The following ZNF385D variants were observed in gnomAD, a reference collection of about 807,000 sequenced individuals.
ZNF385D encodes the protein zinc finger protein 385D.
In ZNF385D, 15 loss-of-function variants were observed where a neutral mutation model predicts 35.8. The ratio of observed to expected loss-of-function variants is 0.42; its 90% CI spans 0.28 to 0.64. ZNF385D has a LOEUF of 0.64. Among genes scored for constraint, ZNF385D ranks in the 30% least tolerant of loss-of-function variants. ZNF385D has a pLI of 0.23. For synonymous variants in ZNF385D, 212 were observed against 186.8 expected, an observed-to-expected ratio of 1.13 and a Z score of -1.10; for missense variants, 474 against 494.6, an observed-to-expected ratio of 0.96 and a Z score of 0.39.
rs145448268 is a variant in ZNF385D, at chr3:21,952,550, T to C, written c.325+216267A>G. 6.1e-4 allele frequency among the ~76,000 whole-genome samples: 93 copies of C among 152,106 alleles called. No individual in the cohort carries two copies. In the East Asian group the frequency reaches 9.5e-3, roughly 15 times the overall value. On this transcript the variant is annotated intron_variant, in intron 3 of 5. Coordinates refer to the ZNF385D transcript ENST00000494108. ...GATGTCATTACTTACTTGATGATTT[T>C]GGAATCCCCCTAAACCTCAGTTTTC...
At chr3:22,260,114 A>G (rs1373917319) in intron 2 of ZNF385D, among the ~76,000 whole-genome samples, 1 of 152,050 alleles carries the variant, frequency 6.6e-6, no homozygotes, top group East Asian at 1.9e-4. Flanking sequence ...ACTTAAATAC[A>G]TTGTATTCAG....
intron 2 of ZNF385D, among the ~76,000 whole-genome samples, chr3:21,663,840 GA>G (rs2066307886): frequency 1.5e-5 from 2 of 135,434 alleles, no homozygotes; most frequent in African/African-American, 5.5e-5. Context: ...TACTGTTAAG[GA>G]AAATAAGACC....
At chr3:21,499,958 A>G (rs1443174153) in intron 4 of ZNF385D, among the ~76,000 whole-genome samples, 2 of 152,168 alleles carry the variant, frequency 1.3e-5, no homozygotes, top group South Asian at 4.1e-4. Flanking sequence ...TCACAACGCA[A>G]AGTTGGATAC....
chr3:22,075,447 G>C (rs1700417614), intron 3 of ZNF385D, among the ~76,000 whole-genome samples: 1 of 151,618 alleles, frequency 6.6e-6, no homozygotes, highest in South Asian at 2.1e-4. Flanking sequence ...ACTTCATATT[G>C]CCAGAGCCAA....
intron 3 of ZNF385D, among the ~76,000 whole-genome samples, chr3:21,772,153 T>C (rs973939647): frequency 2.0e-5 from 3 of 151,924 alleles, no homozygotes; most frequent in Non-Finnish European, 2.9e-5. Context: ...CAAAATTTGA[T>C]CACATTGGAT....
At chr3:22,328,713 G>C (rs1694788516) in intron 2 of ZNF385D, among the ~76,000 whole-genome samples, 2 of 150,800 alleles carry the variant, frequency 1.3e-5, no homozygotes, top group South Asian at 4.2e-4. Flanking sequence ...CAGTGAGCCA[G>C]ATTGCACCAC....
chr3:21,972,650 T>A (rs1289635586), intron 3 of ZNF385D, among the ~76,000 whole-genome samples: 1 of 151,742 alleles, frequency 6.6e-6, no homozygotes, highest in Non-Finnish European at 1.5e-5. Context: ...AAAGTTGTTT[T>A]TTTGAAATTA....
At chr3:21,659,496 T>C (rs529759286) in intron 2 of ZNF385D, among the ~76,000 whole-genome samples, 2 of 152,258 alleles carry the variant, frequency 1.3e-5, no homozygotes, top group South Asian at 4.1e-4. Context: ...GTAGTAAGCG[T>C]TCAATAAATG....
At chr3:21,898,952 G>T (rs926101858) in intron 3 of ZNF385D, among the ~76,000 whole-genome samples, 1 of 152,086 alleles carries the variant, frequency 6.6e-6, no homozygotes, top group Non-Finnish European at 1.5e-5. Context: ...TGGCCAGAAC[G>T]GGGTCACATG....
intron 3 of ZNF385D, among the ~76,000 whole-genome samples, chr3:21,790,126 G>A (rs2071866853): frequency 6.6e-6 from 1 of 151,926 alleles, no homozygotes; most frequent in South Asian, 2.1e-4. Context: ...AAAAGACTTT[G>A]GGAGGACATG....
At chr3:22,260,211 C>G (rs535188307) in intron 2 of ZNF385D, among the ~76,000 whole-genome samples, 3 of 151,764 alleles carry the variant, frequency 2.0e-5, no homozygotes, top group African/African-American at 7.3e-5. Flanking sequence ...AAATGGAAGC[C>G]TTCATTCTCA....
chr3:21,767,075 C>CT (rs2070861952), intron 3 of ZNF385D, among the ~76,000 whole-genome samples: 1 of 151,760 alleles, frequency 6.6e-6, no homozygotes, highest in South Asian at 2.1e-4. Flanking sequence ...CCCACCCACC[C>CT]TCACACACAC....
intron 3 of ZNF385D, among the ~76,000 whole-genome samples, chr3:21,948,843 C>A (rs530642197): frequency 1.2e-3 from 176 of 152,114 alleles, no homozygotes; most frequent in African/African-American, 4.1e-3. Flanking sequence ...TATAAGAAAT[C>A]TGTCTTTGAT....
chr3:22,256,133 A>G (rs989007247), intron 2 of ZNF385D, among the ~76,000 whole-genome samples: 1 of 151,528 alleles, frequency 6.6e-6, no homozygotes, highest in Non-Finnish European at 1.5e-5. Flanking sequence ...TCAGTTTTGA[A>G]ACTTAGACTG....
intron 3 of ZNF385D, among the ~76,000 whole-genome samples, chr3:21,914,723 T>A (rs991250642): frequency 6.6e-6 from 1 of 152,098 alleles, no homozygotes; most frequent in Non-Finnish European, 1.5e-5. Flanking sequence ...ATTATGAATG[T>A]GCAGCATCTT....
chr3:21,862,389 T>C (rs1240827580), intron 3 of ZNF385D, among the ~76,000 whole-genome samples: 1 of 151,834 alleles, frequency 6.6e-6, no homozygotes, highest in Non-Finnish European at 1.5e-5. Context: ...TAAATCAGCA[T>C]GGAATGTCGA....
intron 3 of ZNF385D, among the ~76,000 whole-genome samples, chr3:22,095,931 C>A (rs1008617512): frequency 1.3e-5 from 2 of 151,660 alleles, no homozygotes; most frequent in African/African-American, 4.8e-5. Context: ...ACTAATGACA[C>A]AATGAACTTT....
chr3:22,222,662 G>A (rs927858614), intron 2 of ZNF385D, among the ~76,000 whole-genome samples: 6 of 152,078 alleles, frequency 3.9e-5, no homozygotes, highest in African/African-American at 2.4e-5. Context: ...TCTGTAATAT[G>A]GGAATAACAA....
intron 1 of ZNF385D, among the ~76,000 whole-genome samples, chr3:21,713,969 C>A (rs573401578): frequency 6.6e-6 from 1 of 152,264 alleles, no homozygotes; most frequent in African/African-American, 2.4e-5. Flanking sequence ...TGTTCCTGAT[C>A]TTTTCTCTAC....
Sources: gnomAD v4.1 joint callset for allele counts (sites outside exome capture counted in the v4.1 genomes callset) on GRCh38, gnomAD v4.1.1 for gene constraint, MANE v1.5 for transcripts, NCBI Gene and HGNC (gene_info 2026-07-23, HGNC 2026-07-21) for gene names.